Variants in AMY2B observed in about 807,000 individuals in gnomAD.
The protein encoded by AMY2B is alpha-amylase 2B.
AMY2B carries 63 observed loss-of-function variants against 59.3 expected under a neutral mutation model. The observed-to-expected ratio is 1.06, with a 90% confidence interval of 0.87 to 1.31. The LOEUF is 1.31. Ranked by LOEUF, AMY2B falls within the 50% of genes most tolerant of loss-of-function variation. AMY2B has a pLI of 0.00. For missense variants in AMY2B, 635 were observed against 626.7 expected, an observed-to-expected ratio of 1.01 and a Z score of -0.14; for synonymous variants, 180 against 198.1, an observed-to-expected ratio of 0.91 and a Z score of 0.77.
intron 4 of AMY2B, 152 bp from the exon 5 acceptor site, chr1:103,574,108 A>C: frequency 6.8e-7 from 1 of 1,475,078 alleles, no homozygotes; most frequent in Non-Finnish European, 9.0e-7. Context: ...ATCACAAACA[A>C]AACAAAACAA....
upstream of AMY2B, chr1:103,571,219 T>C: frequency 1.5e-6 from 1 of 683,750 alleles, no homozygotes; most frequent in African/African-American, 1.9e-5. Context: ...TTTGCATTTA[T>C]ACCTATAAAT....
chr1:103,569,893 C>T (rs541358151), upstream of AMY2B: 4 of 462,796 alleles, frequency 8.6e-6, no homozygotes, highest in East Asian at 2.2e-4. Flanking sequence ...ACCTCAAGGC[C>T]AACAGAGAGA....
chr1:103,575,317 G>C lies in AMY2B; in HGVS notation c.973G>C (p.Ala325Pro). 1 of 1,613,656 alleles carries C rather than the reference G, an allele frequency of 6.2e-7. No individual in the cohort carries two copies. The highest frequency in any genetic ancestry group is 1.3e-5 in the African/African-American group (1 of 74,990). Reference protein sequence around the residue: ...DNQRGHGAGGASILTFWDARL... With the variant: ...DNQRGHGAGGPSILTFWDARL... ...TCAACGAGGACATGGGGCTGGAGGA[G>C]CCTCTATTCTTACCTTCTGGGATGC... Residue 325 changes from alanine (A) to proline (P), a missense_variant, in exon 6 of 10, where the codon GCC becomes CCC. Ala to Pro is a conservative substitution (Grantham distance 27, BLOSUM62 -1). Coordinates refer to ENST00000684275, the MANE Select transcript of AMY2B (RefSeq NM_001387437.1).
At chr1:103,556,956 A>G (rs1482988988) in intron 1 of AMY2B, among the ~76,000 whole-genome samples, 1 of 152,112 alleles carries the variant, frequency 6.6e-6, no homozygotes, top group South Asian at 2.1e-4. Flanking sequence ...CCTCAGTAGG[A>G]TTATTCAGTA....
chr1:103,572,123 A>G lies in AMY2B; in HGVS notation c.182A>G (p.Asn61Ser). Residue 61 changes from asparagine (N) to serine (S), a missense_variant, in exon 2 of 10, where the codon AAT (asparagine) becomes AGT (serine). By Grantham distance (46) the Asn-to-Ser change is conservative. Transcript: ENST00000684275. ...TTTAATTTGTAGGTCTCTCCACCAA[A>G]TGAAAATGTTGCAATTCACAACCCT... The part of the protein sequence containing the change: ...GFGGVQVSPP[N>S]ENVAIHNPFR... The G allele has an allele frequency of 1.9e-6, 3 of 1,611,694 alleles. No individual in the cohort carries two copies. The highest frequency in any genetic ancestry group is 2.5e-6 in the Non-Finnish European group (3 of 1,179,690).
At chr1:103,556,614 A>G (rs768445625) in intron 1 of AMY2B, among the ~76,000 whole-genome samples, 11 of 151,540 alleles carry the variant, frequency 7.3e-5, no homozygotes, top group Non-Finnish European at 1.2e-4. Flanking sequence ...TACTAAGTAT[A>G]GTATACTAAG....
At chr1:103,560,760 T>A (rs1275012994) in intron 1 of AMY2B, among the ~76,000 whole-genome samples, 3 of 152,140 alleles carry the variant, frequency 2.0e-5, no homozygotes, top group Non-Finnish European at 4.4e-5. Context: ...TTTGCAGAAT[T>A]TTTTCTACTG....
intron 3 of AMY2B, 34 bp downstream of exon 3, chr1:103,573,294 G>T: frequency 6.2e-7 from 1 of 1,613,018 alleles, no homozygotes; most frequent in Non-Finnish European, 8.5e-7. Context: ...CTGAATAAGG[G>T]GTGATATATG....
chr1:103,574,423 A>G lies in AMY2B; in HGVS notation c.878+30A>G, dbSNP rs749359311. ...ATAAATACAACTTTTCCCCTGAAGT[A>G]TTTCATAGATTTATTAGTCATAGTA... On this transcript the variant is annotated intron_variant, in intron 5 of 9. Transcript: ENST00000684275. 2.5e-6 allele frequency: 4 copies of G among 1,609,476 alleles called. No individual in the cohort carries two copies. In the South Asian group the frequency reaches 3.3e-5, roughly 13 times the overall value.
chr1:103,567,531 T>A (rs1651948968), upstream of AMY2B, among the ~76,000 whole-genome samples: 1 of 152,192 alleles, frequency 6.6e-6, no homozygotes, highest in Non-Finnish European at 1.5e-5. Flanking sequence ...ACTGCCTGTT[T>A]ACCTCTGAAA....
intron 1 of AMY2B, among the ~76,000 whole-genome samples, chr1:103,564,336 C>A (rs1459466045): frequency 1.3e-5 from 2 of 151,958 alleles, no homozygotes; most frequent in African/African-American, 2.4e-5. Context: ...CAAATGGTGC[C>A]CCTCTTCTCT....
upstream of AMY2B, chr1:103,568,842 T>C (rs1042983049): frequency 6.6e-6 from 1 of 151,814 alleles, no homozygotes; most frequent in Non-Finnish European, 1.5e-5. Context: ...TTTGTATGTA[T>C]GTGTGTGTAT....
chr1:103,575,163 A>C (rs1202115001), intron 5 of AMY2B, 60 bp from the exon 6 acceptor site: 4 of 1,609,024 alleles, frequency 2.5e-6, no homozygotes, highest in East Asian at 2.2e-5. Flanking sequence ...TGCACAGTTA[A>C]GTTACTCGCA....
At chr1:103,573,493 A>G (rs114538689) in intron 3 of AMY2B, among the ~76,000 whole-genome samples, 3,235 of 152,212 alleles carry the variant, frequency 0.021, 50 homozygotes, top group Non-Finnish European at 0.032. Flanking sequence ...ACCAATTAAA[A>G]AGCTCGTCGA....
At chr1:103,556,599 AAT>A (rs1372074018) in intron 1 of AMY2B, among the ~76,000 whole-genome samples, 1 of 151,934 alleles carries the variant, frequency 6.6e-6, no homozygotes, top group Non-Finnish European at 1.5e-5. Flanking sequence ...AGTATAGTAT[AAT>A]AGTACTAAGT....
intron 1 of AMY2B, among the ~76,000 whole-genome samples, chr1:103,558,657 G>A (rs1473110386): frequency 6.6e-6 from 1 of 151,828 alleles, no homozygotes; most frequent in South Asian, 2.1e-4. Context: ...CAACAACTTG[G>A]GAGGCTGAGG....
At chr1:103,564,165 T>G (rs1215434674) in intron 1 of AMY2B, among the ~76,000 whole-genome samples, 1 of 152,186 alleles carries the variant, frequency 6.6e-6, no homozygotes, top group Non-Finnish European at 1.5e-5. Context: ...TCACAATAAC[T>G]CTATGAGGTA....
chr1:103,569,534 C>T (rs888639883), upstream of AMY2B: 1 of 313,048 alleles, frequency 3.2e-6, no homozygotes, highest in Non-Finnish European at 6.6e-6. Context: ...TCCACTGTCC[C>T]ACTCCTCCAC....
intron 1 of AMY2B, among the ~76,000 whole-genome samples, chr1:103,555,626 C>T (rs1285865240): frequency 2.0e-5 from 3 of 152,136 alleles, no homozygotes; most frequent in East Asian, 3.8e-4. Flanking sequence ...TGAGTTTCAG[C>T]TGTATATACG....
Sources: gnomAD v4.1 joint callset for allele counts (sites outside exome capture counted in the v4.1 genomes callset) on GRCh38, gnomAD v4.1.1 for gene constraint, MANE v1.5 for transcripts, NCBI Gene and HGNC (gene_info 2026-07-23, HGNC 2026-07-21) for gene names.